ZNF804B: variants seen among roughly 807,000 people sequenced by gnomAD.
ZNF804B encodes the protein zinc finger protein 804B, also known as zinc finger 804B.
A neutral mutation model predicts 101.4 loss-of-function variants in ZNF804B; 80 were observed. That is an observed-to-expected ratio of 0.79 (90% CI 0.66 to 0.95). The LOEUF is 0.95. Among genes scored for constraint, ZNF804B ranks in the 40% least tolerant of loss-of-function variants. The probability of loss-of-function intolerance (pLI) is 0.00; values close to 1 mark genes in which losing one functional copy is unlikely to be tolerated. For missense variants in ZNF804B, 1,673 were observed against 1,561.9 expected, an observed-to-expected ratio of 1.07 and a Z score of -1.20; for synonymous variants, 622 against 558.8, an observed-to-expected ratio of 1.11 and a Z score of -1.59.
At chr7:89,131,181 G>A (rs1461720075) in intron 1 of ZNF804B, among the ~76,000 whole-genome samples, 2 of 152,000 alleles carry the variant, frequency 1.3e-5, no homozygotes, top group Non-Finnish European at 2.9e-5. Context: ...CATTTTTATA[G>A]AGAATTATGT....
intron 1 of ZNF804B, among the ~76,000 whole-genome samples, chr7:88,946,615 A>C (rs1793134137): frequency 6.7e-6 from 1 of 149,092 alleles, no homozygotes; most frequent in African/African-American, 2.5e-5. Context: ...TGCTGGCCTC[A>C]TAAAATGAGT....
At chr7:89,081,527 T>C (rs143997588) in intron 1 of ZNF804B, among the ~76,000 whole-genome samples, 63 of 151,870 alleles carry the variant, frequency 4.1e-4, no homozygotes, top group African/African-American at 1.5e-3. Context: ...ATAAGCACAA[T>C]ACATGGCACA....
chr7:89,338,374 T>C lies in ZNF804B; in HGVS notation c.*1342T>C, dbSNP rs1791136586. 6.6e-6 allele frequency among the ~76,000 whole-genome samples: 1 copy of C among 152,112 alleles called. No individual in the cohort carries two copies. The highest frequency in any genetic ancestry group is 1.5e-5 in the Non-Finnish European group (1 of 67,960). ...TTACCCTATCCACTTGTTTGCATTA[T>C]CTTCTTTAATTTTCACAACTGTATT... On this transcript the variant is annotated 3_prime_UTR_variant, in exon 4 of 4. Coordinates refer to ENST00000333190, the MANE Select transcript of ZNF804B (RefSeq NM_181646.5).
intron 1 of ZNF804B, among the ~76,000 whole-genome samples, chr7:89,040,302 A>G (rs10231629): frequency 0.22 from 31,837 of 146,664 alleles, 3,445 homozygotes; most frequent in East Asian, 0.28. Flanking sequence ...TTTATCCTTT[A>G]TTTCTTTTTA....
chr7:89,114,827 T>A (rs1194920681), intron 1 of ZNF804B, among the ~76,000 whole-genome samples: 3 of 152,136 alleles, frequency 2.0e-5, no homozygotes, highest in Non-Finnish European at 4.4e-5. Flanking sequence ...TTCATGAAGG[T>A]GTTGGGAACT....
At chr7:89,229,793 C>A (rs1208688035) in intron 2 of ZNF804B, among the ~76,000 whole-genome samples, 2 of 152,012 alleles carry the variant, frequency 1.3e-5, no homozygotes, top group Admixed American at 1.3e-4. Context: ...AAACATTCAC[C>A]AAGAAAGACT....
At chr7:88,903,010 A>G (rs1197298961) in intron 1 of ZNF804B, among the ~76,000 whole-genome samples, 1 of 152,052 alleles carries the variant, frequency 6.6e-6, no homozygotes, top group Admixed American at 6.6e-5. Context: ...GATATATTGC[A>G]TGATGCTGAG....
At chr7:89,110,631 G>A (rs1020507496) in intron 1 of ZNF804B, among the ~76,000 whole-genome samples, 6 of 152,136 alleles carry the variant, frequency 3.9e-5, no homozygotes, top group African/African-American at 1.4e-4. Context: ...CTTAAATGCT[G>A]CCTGAGTTTC....
chr7:89,029,722 A>G (rs906933604), intron 1 of ZNF804B, among the ~76,000 whole-genome samples: 2 of 152,308 alleles, frequency 1.3e-5, no homozygotes, highest in Admixed American at 6.5e-5. Flanking sequence ...ACCAGACTTA[A>G]CATAATGATA....
At chr7:89,151,880 C>T (rs999230229) in intron 1 of ZNF804B, among the ~76,000 whole-genome samples, 1 of 151,998 alleles carries the variant, frequency 6.6e-6, no homozygotes, top group African/African-American at 2.4e-5. Flanking sequence ...GTCTGAGGGT[C>T]ACATGATAAG....
intron 1 of ZNF804B, among the ~76,000 whole-genome samples, chr7:88,844,263 T>C (rs1480185945): frequency 6.6e-6 from 1 of 152,224 alleles, no homozygotes; most frequent in Non-Finnish European, 1.5e-5. Context: ...TTTTGCATTT[T>C]TCAGTTTCAC....
intron 1 of ZNF804B, among the ~76,000 whole-genome samples, chr7:89,109,004 A>G (rs922888124): frequency 1.3e-5 from 2 of 152,144 alleles, no homozygotes; most frequent in African/African-American, 4.8e-5. Flanking sequence ...GGAGGGGAAA[A>G]AAGTCCAACT....
chr7:88,784,263 G>A (rs190906701), intron 1 of ZNF804B, among the ~76,000 whole-genome samples: 34 of 152,270 alleles, frequency 2.2e-4, no homozygotes, highest in Non-Finnish European at 4.1e-4. Flanking sequence ...CCCAAGGCTT[G>A]AGCTGTAACA....
chr7:89,014,077 G>A (rs1788503036), intron 1 of ZNF804B, among the ~76,000 whole-genome samples: 1 of 152,072 alleles, frequency 6.6e-6, no homozygotes, highest in African/African-American at 2.4e-5. Context: ...CTTAGTAGTG[G>A]AATTGTTGAA....
At chr7:89,002,288 A>G (rs959336596) in intron 1 of ZNF804B, among the ~76,000 whole-genome samples, 1 of 151,822 alleles carries the variant, frequency 6.6e-6, no homozygotes, top group Admixed American at 6.6e-5. Flanking sequence ...TAAGCTAGAA[A>G]TAAAATATAG....
At chr7:88,998,530 C>T (rs1788232505) in intron 1 of ZNF804B, among the ~76,000 whole-genome samples, 1 of 152,018 alleles carries the variant, frequency 6.6e-6, no homozygotes, top group African/African-American at 2.4e-5. Context: ...TCCAAATTTA[C>T]CTGATCATAA....
At chr7:88,855,332 A>C (rs1285310101) in intron 1 of ZNF804B, among the ~76,000 whole-genome samples, 1 of 139,784 alleles carries the variant, frequency 7.2e-6, no homozygotes, top group East Asian at 3.0e-4. Context: ...TGTGGTTTTG[A>C]TTTGCATTTC....
chr7:89,294,412 G>A (rs1790347845), intron 2 of ZNF804B, among the ~76,000 whole-genome samples: 1 of 152,120 alleles, frequency 6.6e-6, no homozygotes, highest in Non-Finnish European at 1.5e-5. Flanking sequence ...TTTCGATAAT[G>A]AGAAATATAA....
chr7:88,871,396 C>T (rs116381188), intron 1 of ZNF804B, among the ~76,000 whole-genome samples: 4,318 of 150,898 alleles, frequency 0.029, 219 homozygotes, highest in African/African-American at 0.099. Context: ...CAATTTACCC[C>T]AGTAAAAAAA....
Sources: gnomAD v4.1 joint callset for allele counts (sites outside exome capture counted in the v4.1 genomes callset) on GRCh38, gnomAD v4.1.1 for gene constraint, MANE v1.5 for transcripts, NCBI Gene and HGNC (gene_info 2026-07-23, HGNC 2026-07-21) for gene names.